PARP14: variants seen among roughly 807,000 people sequenced by gnomAD.
The protein encoded by PARP14 is poly(ADP-ribose) polymerase family member 14.
Under a neutral mutation model 154.2 loss-of-function variants are expected in PARP14, and 59 were observed. That is an observed-to-expected ratio of 0.38 (90% CI 0.31 to 0.48). PARP14 has a LOEUF of 0.48. Among genes scored for constraint, PARP14 ranks in the 20% least tolerant of loss-of-function variants. The probability of loss-of-function intolerance (pLI) is 0.98; values close to 1 mark genes in which losing one functional copy is unlikely to be tolerated. For missense variants in PARP14, 1,734 were observed against 2,131.6 expected (o/e 0.81, Z 3.67); for synonymous variants, 720 against 780.5 (o/e 0.92, Z 1.29).
intron 9 of PARP14, among the ~76,000 whole-genome samples, chr3:122,709,928 G>T (rs1435795080): frequency 6.7e-6 from 1 of 148,508 alleles, no homozygotes; most frequent in East Asian, 2.0e-4. Context: ...TTTTTCTTGC[G>T]ATTTGCTTGA....
Position 122,699,869 on chromosome 3 carries a change from T to C in PARP14, c.1315T>C (p.Ser439Pro), listed in dbSNP as rs1019207423. ...GGAGATGGTAATCTTAGCAGGGAAA[T>C]CAGAGGATGTCCAAAGCATTGAGGT... ...LKEMVILAGK[S>P]EDVQSIEVQV... Residue 439 changes from serine (S) to proline (P), a missense_variant, in exon 6 of 17, where the codon TCA becomes CCA. Physicochemically the swap from Ser to Pro is moderately conservative, Grantham distance 74. Transcript: ENST00000474629. The C allele has an allele frequency of 2.5e-6, 4 of 1,613,888 alleles. No individual in the cohort carries two copies. The Admixed American group carries it at 6.7e-5, about 27-fold the overall frequency.
chr3:122,717,591 A>G (rs1933030759), intron 12 of PARP14, among the ~76,000 whole-genome samples: 1 of 152,258 alleles, frequency 6.6e-6, no homozygotes, highest in African/African-American at 2.4e-5. Flanking sequence ...AGGTTCCCAG[A>G]GATATCTGGG....
chr3:122,692,072 C>T (rs556217923), intron 3 of PARP14, among the ~76,000 whole-genome samples: 41 of 152,106 alleles, frequency 2.7e-4, no homozygotes, highest in South Asian at 1.2e-3. Flanking sequence ...AAATACAGAC[C>T]TATTTTGTCA....
In PARP14 at chr3:122,687,090, C is replaced by A. The variant is rs1361268931; in HGVS notation, c.332C>A (p.Thr111Asn). 2 of 1,591,860 alleles carry A rather than the reference C, an allele frequency of 1.3e-6. No homozygotes were observed. Among genetic ancestry groups the A allele is most frequent in the Non-Finnish European group, 1.7e-6 (2 of 1,165,596 alleles). ...TTGTTTGTGTTTCAGGAATCCAAGACCAAAGAAGATGTTAAAGAACCAGGT... is the reference window on the plus strand; with the variant it reads ...TTGTTTGTGTTTCAGGAATCCAAGAACAAAGAAGATGTTAAAGAACCAGGT... Reference protein sequence around the residue: ...EEELLTKESKTKEDVKEPDVS... With the variant: ...EEELLTKESKNKEDVKEPDVS... The change falls in exon 3 of 17, where the codon ACC (threonine) becomes AAC (asparagine). Residue 111 changes from threonine (T) to asparagine (N), a missense_variant. Physicochemically the swap from Thr to Asn is moderately conservative, Grantham distance 65. This residue lies in a region of PARP14 where 1,646 missense variants were observed against 1,976.0 expected (regional missense o/e 0.83). Transcript: ENST00000474629.
intron 12 of PARP14, among the ~76,000 whole-genome samples, chr3:122,715,470 A>G (rs923308115): frequency 2.0e-5 from 3 of 152,114 alleles, no homozygotes; most frequent in East Asian, 1.9e-4. Context: ...ATGGAATTCT[A>G]TGTCTATTTT....
At chr3:122,723,076 C>A (rs1933199074) in intron 15 of PARP14, among the ~76,000 whole-genome samples, 1 of 152,120 alleles carries the variant, frequency 6.6e-6, no homozygotes, top group Non-Finnish European at 1.5e-5. Context: ...GCTGAAATTG[C>A]AGGTGCCCAC....
At chr3:122,712,559 C>CTT (rs987062537) in intron 9 of PARP14, among the ~76,000 whole-genome samples, 1 of 139,056 alleles carries the variant, frequency 7.2e-6, no homozygotes. Context: ...GGATTGACAT[C>CTT]TTTTTTTTTT....
At chr3:122,726,058 T>C (rs1933279703) in intron 15 of PARP14, among the ~76,000 whole-genome samples, 1 of 152,230 alleles carries the variant, frequency 6.6e-6, no homozygotes, top group Non-Finnish European at 1.5e-5. Context: ...TTAAGCCTTA[T>C]TTATCTCTCT....
chr3:122,713,321 G>A (rs534158442), intron 9 of PARP14, 103 bp from the exon 10 acceptor site: 16 of 848,530 alleles, frequency 1.9e-5, no homozygotes, highest in Admixed American at 2.8e-5. Context: ...CACAGAAAGA[G>A]AGGGAGAGGG....
intron 1 of PARP14, among the ~76,000 whole-genome samples, chr3:122,683,976 G>C (rs1318579893): frequency 6.6e-6 from 1 of 152,190 alleles, no homozygotes; most frequent in Non-Finnish European, 1.5e-5. Flanking sequence ...TCAGGAGTTT[G>C]TGTGGAAACA....
chr3:122,699,982 C>T lies in PARP14; in HGVS notation c.1428C>T (p.Gly476=), dbSNP rs1560060518. 1 of 1,613,828 alleles carries T rather than the reference C, an allele frequency of 6.2e-7. No homozygotes were observed. The highest frequency in any genetic ancestry group is 8.5e-7 in the Non-Finnish European group (1 of 1,179,748). The change falls in exon 6 of 17, where the codon GGC becomes GGT. Residue 476 remains glycine (G), a synonymous_variant. Coordinates refer to ENST00000474629, the MANE Select transcript of PARP14 (RefSeq NM_017554.3). ...AGGAAAAAATGATCATTTCTCCAGG[C>T]AGGTATTTTCTTTTGTGTCACAGCA... The part of the protein sequence containing the change: ...SLKEKMIISP[G]RYFLLCHSSL...
At chr3:122,704,806 T>G (rs987414435) in intron 8 of PARP14, 58 bp downstream of exon 8, 1 of 957,116 alleles carries the variant, frequency 1.0e-6, no homozygotes, top group South Asian at 1.6e-5. Flanking sequence ...TTTTTTCAAA[T>G]GTCTTTTTGG....
rs748490431 is a variant in PARP14 at position 122,727,951 on chromosome 3, G to A, written c.5081G>A (p.Arg1694Gln). 9.9e-6 allele frequency: 16 copies of A among 1,613,146 alleles called. No homozygotes were observed. Among genetic ancestry groups the A allele is most frequent in the Non-Finnish European group, 1.2e-5 (14 of 1,179,566 alleles). Residue 1694 changes from arginine to glutamine, a missense_variant, in exon 16 of 17, where the codon CGA (arginine) becomes CAA (glutamine). Coordinates refer to ENST00000474629, the MANE Select transcript of PARP14 (RefSeq NM_017554.3). ...TDAGSVPHVNRNGFNRSYAGK... is the reference protein window; with the variant it reads ...TDAGSVPHVNQNGFNRSYAGK... ...GCCGGCTCCGTGCCACACGTCAATC[G>A]AAATGGCTTTAACCGCAGCTATGCC... is the stretch of plus-strand genomic sequence containing the variant.
Position 122,699,694 on chromosome 3 carries a change from C to G in PARP14, c.1140C>G (p.Ile380Met), listed in dbSNP as rs754145179. The G allele has an allele frequency of 4.3e-6, 7 of 1,614,024 alleles. No homozygotes were observed. Among genetic ancestry groups the G allele is most frequent in the Non-Finnish European group, 5.9e-6 (7 of 1,179,888 alleles). ...TAGTCAATGAAGGAAGACCGAGAATCAAGACCTGGCAGGCAGATACTTCCA... is the reference window on the plus strand; with the variant it reads ...TAGTCAATGAAGGAAGACCGAGAATGAAGACCTGGCAGGCAGATACTTCCA... ...ATLVNEGRPR[I>M]KTWQADTSTT... is the part of the protein sequence containing the mutation. Residue 380 changes from isoleucine (I) to methionine (M), a missense_variant, in exon 6 of 17, where the codon ATC becomes ATG. Transcript: ENST00000474629.
intron 8 of PARP14, 61 bp downstream of exon 8, chr3:122,704,809 C>A (rs533794511): frequency 2.2e-6 from 2 of 899,636 alleles, no homozygotes; most frequent in South Asian, 1.7e-5. Context: ...TTTCAAATGT[C>A]TTTTTGGTCT....
chr3:122,700,570 G>C lies in PARP14; in HGVS notation c.2016G>C (p.Glu672Asp), dbSNP rs1277893585. The C allele has an allele frequency of 1.9e-6, 3 of 1,594,180 alleles. No individual in the cohort carries two copies. ...TCGTTGAACAAAACATGAAAATAGA[G>C]AGACTGGTTGAAGTAAAGCCTTCCT... Reference protein sequence around the residue: ...FNFVEQNMKIERLVEVKPSLV... With the variant: ...FNFVEQNMKIDRLVEVKPSLV... The change falls in exon 6 of 17, where the codon GAG (glutamate) becomes GAC (aspartate). Residue 672 changes from glutamate to aspartate, a missense_variant. By Grantham distance (45) the Glu-to-Asp change is conservative. Around this residue, in one of 2 missense-constraint regions of PARP14, gnomAD observed 1,646 missense variants for 1,976.0 expected, o/e 0.83. Coordinates refer to ENST00000474629, the MANE Select transcript of PARP14 (RefSeq NM_017554.3).
chr3:122,701,501 C>A lies in PARP14; in HGVS notation c.2947C>A (p.Pro983Thr), dbSNP rs763405898. The change falls in exon 6 of 17, where the codon CCA becomes ACA. Residue 983 changes from proline to threonine, a missense_variant. Physicochemically the swap from Pro to Thr is conservative, Grantham distance 38. Coordinates refer to ENST00000474629, the MANE Select transcript of PARP14 (RefSeq NM_017554.3). This position sits in a 1 kb window ranked among gnomAD's most constrained non-coding sequence, Gnocchi z 4.0. ...AVKTVFKATLPDTAAPPGLPP... is the reference protein window; with the variant it reads ...AVKTVFKATLTDTAAPPGLPP... ...GAAAACTGTATTTAAAGCCACCCTG[C>A]CAGATACAGCTGCCCCGCCAGGTTT... 34 of 1,613,512 alleles carry A rather than the reference C, an allele frequency of 2.1e-5. No homozygotes were observed. Among genetic ancestry groups the A allele is most frequent in the Non-Finnish European group, 2.9e-5 (34 of 1,179,586 alleles).
rs1938397545 is a variant in PARP14 at position 122,687,129 on chromosome 3, A to C, written c.355+16A>C. The C allele has an allele frequency of 6.3e-7, 1 of 1,579,170 alleles. No homozygotes were observed. The highest frequency in any genetic ancestry group is 1.3e-5 in the African/African-American group (1 of 74,406). On this transcript the variant is annotated intron_variant, in intron 3 of 16. Coordinates refer to ENST00000474629, the MANE Select transcript of PARP14 (RefSeq NM_017554.3). Reference sequence around the variant, plus strand: ...AAAGAACCAGGTAAAATCTCAGTTGAGATGACTCTGACATTCACCAAGCTG... The same window carrying C: ...AAAGAACCAGGTAAAATCTCAGTTGCGATGACTCTGACATTCACCAAGCTG...
intron 2 of PARP14, chr3:122,686,817 TG>T (rs1266806888): frequency 2.4e-6 from 1 of 411,870 alleles, no homozygotes; most frequent in Non-Finnish European, 4.3e-6. Flanking sequence ...GTTTCTCTGA[TG>T]TAGGATGTAC....
Sources: gnomAD v4.1 joint callset for allele counts (sites outside exome capture counted in the v4.1 genomes callset) on GRCh38, gnomAD v4.1.1 for gene constraint, gnomAD v4.1.1 regional missense constraint, Gnocchi (gnomAD v3.1) non-coding constraint, MANE v1.5 for transcripts, NCBI Gene and HGNC (gene_info 2026-07-23, HGNC 2026-07-21) for gene names.